Variants in CORO7 observed in about 807,000 individuals in gnomAD.
The protein encoded by CORO7 is coronin-7.
In CORO7, 107 loss-of-function variants were observed where a neutral mutation model predicts 126.6. The ratio of observed to expected loss-of-function variants is 0.85; its 90% CI spans 0.72 to 0.99. The LOEUF (loss-of-function observed/expected upper bound fraction) is 0.99. Among genes scored for constraint, CORO7 ranks in the 50% least tolerant of loss-of-function variants. The pLI, the probability that CORO7 is intolerant of heterozygous loss-of-function variation, is 0.00. For missense variants in CORO7, 1,314 were observed against 1,255.8 expected, an observed-to-expected ratio of 1.05 and a Z score of -0.70; for synonymous variants, 603 against 536.8, an observed-to-expected ratio of 1.12 and a Z score of -1.70.
At chr16:4,385,633 C>G (rs541164147) in intron 9 of CORO7, among the ~76,000 whole-genome samples, 1 of 152,192 alleles carries the variant, frequency 6.6e-6, no homozygotes, top group Non-Finnish European at 1.5e-5. Flanking sequence ...CTGGGCAGCC[C>G]TCCGTGGAGG....
rs1447631695 is a variant in CORO7, at chr16:4,384,812, A to G, written c.785+3174T>C. Among the ~76,000 whole-genome samples the G allele has an allele frequency of 3.9e-5, 6 of 152,272 alleles. No individual in the cohort carries two copies. The East Asian group carries it at 9.7e-4, about 24-fold the overall frequency. ...TGGATTTCCTGTAGGCCTGGGTCCC[A>G]TTAGGGGAGTGGCTGCGGCCAGGCC... On this transcript the variant is annotated intron_variant, in intron 9 of 27. Coordinates refer to ENST00000251166, the MANE Select transcript of CORO7 (RefSeq NM_024535.5).
At chr16:4,412,522 A>G in intron 2 of CORO7, 92 bp from the exon 3 acceptor site, 2 of 1,361,702 alleles carry the variant, frequency 1.5e-6, no homozygotes, top group Non-Finnish European at 2.1e-6. Flanking sequence ...CCAGCAGCTC[A>G]GCCTCGGACC....
chr16:4,365,633 A>G, intron 9 of CORO7, 88 bp from the exon 10 acceptor site: 1 of 1,511,734 alleles, frequency 6.6e-7, no homozygotes, highest in Non-Finnish European at 8.9e-7. Flanking sequence ...GACAGGCACC[A>G]CAGTGACTGG....
At chr16:4,360,217 G>A (rs1650598057) in intron 21 of CORO7, 61 bp downstream of exon 21, 5 of 1,605,660 alleles carry the variant, frequency 3.1e-6, no homozygotes, top group African/African-American at 1.3e-5. Flanking sequence ...GTATGTGACT[G>A]TGGAGAAGGG....
chr16:4,390,440 C>T (rs745366883), intron 7 of CORO7, among the ~76,000 whole-genome samples: 1 of 152,168 alleles, frequency 6.6e-6, no homozygotes, highest in Non-Finnish European at 1.5e-5. Flanking sequence ...AGCAGGGTAC[C>T]GCCAGACTGT....
chr16:4,368,725 G>A (rs1326176023), intron 9 of CORO7, among the ~76,000 whole-genome samples: 1 of 142,472 alleles, frequency 7.0e-6, no homozygotes, highest in Non-Finnish European at 1.5e-5. Flanking sequence ...TCCAGCCTTG[G>A]CAACAGAGTG....
intron 3 of CORO7, among the ~76,000 whole-genome samples, 172 bp from the exon 4 acceptor site, chr16:4,408,423 A>C (rs2056088974): frequency 3.3e-5 from 5 of 152,200 alleles, no homozygotes; most frequent in Admixed American, 2.6e-4. Context: ...CTCCTGCGAC[A>C]TACGTCCCCG....
intron 5 of CORO7, among the ~76,000 whole-genome samples, chr16:4,407,129 G>C (rs1194813823): frequency 6.6e-6 from 1 of 151,130 alleles, no homozygotes; most frequent in East Asian, 1.9e-4. Flanking sequence ...TGTATATTTA[G>C]TAGAGACGGG....
chr16:4,405,574 A>T lies in CORO7; in HGVS notation c.488-7T>A. On this transcript the variant is annotated splice_region_variant and splice_polypyrimidine_tract_variant and intron_variant, in intron 5 of 27. Transcript: ENST00000251166. ...TCCCCATGGGCTGCCAGCTCTGCAG[A>T]GAAGCAGTCACAGTCAGGTCCCGGG... 6.2e-7 allele frequency: 1 copy of T among 1,612,022 alleles called. No individual in the cohort carries two copies.
At chr16:4,361,832 C>A (rs2054189565) in intron 16 of CORO7, 153 bp downstream of exon 16, 4 of 1,255,812 alleles carry the variant, frequency 3.2e-6, no homozygotes, top group Non-Finnish European at 4.5e-6. Context: ...AGTGGCAGGC[C>A]CCATGGCAGG....
chr16:4,414,642 C>A (rs759551551), intron 1 of CORO7, among the ~76,000 whole-genome samples: 1 of 152,184 alleles, frequency 6.6e-6, no homozygotes, highest in Non-Finnish European at 1.5e-5. Flanking sequence ...AAGAACAGAT[C>A]ACCTGTTCTC....
intron 9 of CORO7, among the ~76,000 whole-genome samples, chr16:4,375,319 G>A (rs1411303862): frequency 6.6e-6 from 1 of 152,190 alleles, no homozygotes; most frequent in East Asian, 1.9e-4. Flanking sequence ...CTGCCAGCTG[G>A]TCCACACCTG....
chr16:4,396,047 T>A (rs2055577777), intron 6 of CORO7, among the ~76,000 whole-genome samples: 1 of 151,768 alleles, frequency 6.6e-6, no homozygotes, highest in African/African-American at 2.4e-5. Context: ...CAGGGCACAA[T>A]CTGTATCCAC....
intron 6 of CORO7, among the ~76,000 whole-genome samples, chr16:4,395,996 T>TGTG (rs55837244): frequency 1.3e-4 from 19 of 151,226 alleles, no homozygotes; most frequent in African/African-American, 2.2e-4. Context: ...CATGCACACG[T>TGTG]TGTGTGTGTG....
chr16:4,395,168 TG>T (rs1430741142), intron 7 of CORO7, 120 bp downstream of exon 7: 3 of 1,424,908 alleles, frequency 2.1e-6, no homozygotes, highest in Non-Finnish European at 2.9e-6. Context: ...TGGGGACCCC[TG>T]GTGCTGCAGA....
chr16:4,411,998 G>A, intron 3 of CORO7, among the ~76,000 whole-genome samples: 1 of 152,044 alleles, frequency 6.6e-6, no homozygotes, highest in East Asian at 1.9e-4. Flanking sequence ...GGGCTGGGGA[G>A]GATGCCTGGT....
intron 9 of CORO7, among the ~76,000 whole-genome samples, chr16:4,372,967 T>C (rs904650922): frequency 1.3e-5 from 2 of 152,060 alleles, no homozygotes; most frequent in Admixed American, 6.5e-5. Flanking sequence ...GGGCTGGGGA[T>C]TGGATAAAAT....
chr16:4,362,552 G>C lies in CORO7; in HGVS notation c.1402+60C>G. 1 of 1,486,548 alleles carries C rather than the reference G, an allele frequency of 6.7e-7. No individual in the cohort carries two copies. Among genetic ancestry groups the C allele is most frequent in the Non-Finnish European group, 8.9e-7 (1 of 1,119,822 alleles). 92.1% of individuals were successfully genotyped at this position (1,486,548 alleles called of 1,614,324 possible). A position where few individuals can be genotyped will look rare whatever the true frequency, so the allele number is the denominator to read the frequency against. On this transcript the variant is annotated intron_variant, in intron 15 of 27. Coordinates refer to ENST00000251166, the MANE Select transcript of CORO7 (RefSeq NM_024535.5). This position sits in a 1 kb window ranked among gnomAD's most constrained non-coding sequence, Gnocchi z 5.3. ...GCAGTAGGGTACACAGGAGGATGAC[G>C]GGGAGTGGGGCAGACAGGGCTCCTG...
chr16:4,357,679 A>G (rs2054022461), intron 25 of CORO7: 3 of 451,710 alleles, frequency 6.6e-6, no homozygotes, highest in South Asian at 3.8e-5. Context: ...TCTATGGCGC[A>G]GATCTAAGAG....
Sources: allele counts gnomAD v4.1 joint callset (sites outside exome capture counted in the v4.1 genomes callset), GRCh38; gene constraint gnomAD v4.1.1; non-coding constraint Gnocchi (gnomAD v3.1); transcripts MANE v1.5; gene names NCBI Gene and HGNC (gene_info 2026-07-23, HGNC 2026-07-21).